CASP6: variants seen among roughly 807,000 people sequenced by gnomAD.
CASP6 encodes caspase-6.
Under a neutral mutation model 31.8 loss-of-function variants are expected in CASP6, and 20 were observed. That is an observed-to-expected ratio of 0.63 (90% confidence interval 0.44 to 0.91). The LOEUF (loss-of-function observed/expected upper bound fraction) is 0.91. CASP6 is among the 40% of genes least tolerant of loss of function. CASP6 has a pLI of 0.00. For missense variants in CASP6, 328 were observed against 361.1 expected (o/e 0.91, Z 0.74); for synonymous variants, 130 against 127.8 (o/e 1.02, Z -0.12).
chr4:109,684,723 G>T, downstream of CASP6: 1 of 718,086 alleles, frequency 1.4e-6, no homozygotes, highest in Non-Finnish European at 2.4e-6. Context: ...GAGCAAAAAA[G>T]CCTTTTTATT....
chr4:109,703,924 C>T (rs1159619862), upstream of CASP6, among the ~76,000 whole-genome samples: 5 of 152,142 alleles, frequency 3.3e-5, no homozygotes, highest in Admixed American at 3.3e-4. Context: ...TTGGTACTCT[C>T]GCAATATTTC....
At chr4:109,704,875 T>C (rs1436477699), upstream of CASP6, among the ~76,000 whole-genome samples, 3 of 152,178 alleles carry the variant, frequency 2.0e-5, no homozygotes, top group Admixed American at 6.5e-5. Flanking sequence ...AGGTTAATTT[T>C]GTATTTTTAG....
chr4:109,693,762 A>G (rs1464841780), intron 5 of CASP6, among the ~76,000 whole-genome samples: 3 of 149,342 alleles, frequency 2.0e-5, no homozygotes, highest in African/African-American at 7.4e-5. Flanking sequence ...TTTTTTAGAC[A>G]GAGTCTCGCT....
At chr4:109,696,851 T>A (rs1730259106) in intron 3 of CASP6, among the ~76,000 whole-genome samples, 1 of 150,578 alleles carries the variant, frequency 6.6e-6, no homozygotes, top group Non-Finnish European at 1.5e-5. Flanking sequence ...AGTGGCTTGA[T>A]CTTGGCTCAC....
At chr4:109,672,197 T>C in the CASP6 span, among the ~76,000 whole-genome samples, 1 of 152,314 alleles carries the variant, frequency 6.6e-6, no homozygotes, top group African/African-American at 2.4e-5. Flanking sequence ...AGTTGACTAA[T>C]TGCCCTTTCT....
chr4:109,682,739 A>G, the CASP6 span: 1 of 1,612,226 alleles, frequency 6.2e-7, no homozygotes, highest in Non-Finnish European at 8.5e-7. Context: ...AGCCCCTTGA[A>G]CAGGTTAGGA....
chr4:109,695,771 G>C (rs1297961202), intron 4 of CASP6, among the ~76,000 whole-genome samples: 1 of 150,776 alleles, frequency 6.6e-6, no homozygotes, highest in East Asian at 1.9e-4. Flanking sequence ...ATAGCACTTA[G>C]AGCTTCCAAA....
At chr4:109,685,387 T>C (rs1729817310), downstream of CASP6, 1 of 1,044,484 alleles carries the variant, frequency 9.6e-7, no homozygotes, top group African/African-American at 1.6e-5. Flanking sequence ...AAATACATCT[T>C]ATAGCTGGTT....
At chr4:109,684,677 A>C (rs1035368886), downstream of CASP6, 1 of 1,041,188 alleles carries the variant, frequency 9.6e-7, no homozygotes, top group Non-Finnish European at 1.5e-6. Context: ...ATGGTAAGTT[A>C]GAACATCTTT....
At chr4:109,665,794 G>A in the CASP6 span, among the ~76,000 whole-genome samples, 6 of 151,962 alleles carry the variant, frequency 3.9e-5, no homozygotes, top group East Asian at 1.9e-4. Flanking sequence ...TTTCAGATTC[G>A]CTTCTTTCTT....
At chr4:109,709,517 G>A in the CASP6 span, among the ~76,000 whole-genome samples, 737 of 152,148 alleles carry the variant, frequency 4.8e-3, 7 homozygotes, top group African/African-American at 0.016. Flanking sequence ...TATCTCAATC[G>A]TGTCTTCATT....
At chr4:109,685,184 C>A, downstream of CASP6, 3 of 711,562 alleles carry the variant, frequency 4.2e-6, no homozygotes, top group Non-Finnish European at 7.4e-6. Context: ...AGTCAAGTAT[C>A]TTTCTTGCAG....
the CASP6 span, among the ~76,000 whole-genome samples, chr4:109,665,912 A>G: frequency 2.6e-5 from 4 of 151,864 alleles, no homozygotes; most frequent in East Asian, 7.7e-4. Flanking sequence ...GGAAAATACT[A>G]AACAGTGAGA....
chr4:109,665,182 T>C, the CASP6 span, among the ~76,000 whole-genome samples: 14 of 152,236 alleles, frequency 9.2e-5, 1 homozygote, highest in African/African-American at 3.4e-4. Flanking sequence ...GTGACAAATG[T>C]AGAACTACAT....
the CASP6 span, among the ~76,000 whole-genome samples, chr4:109,675,358 C>T: frequency 6.6e-6 from 1 of 152,208 alleles, no homozygotes; most frequent in Non-Finnish European, 1.5e-5. Context: ...TAACCATGGC[C>T]TATAAAAACT....
upstream of CASP6, among the ~76,000 whole-genome samples, chr4:109,705,994 AAAAAAAAATATATATAT>A (rs1329982457): frequency 0.017 from 1,207 of 70,552 alleles, 24 homozygotes; most frequent in East Asian, 0.054. Context: ...AAAAAAAAAA[AAAAAAAAATATATATAT>A]ATATATATAT....
At chr4:109,706,300 A>C (rs1422106930), upstream of CASP6, among the ~76,000 whole-genome samples, 6 of 151,102 alleles carry the variant, frequency 4.0e-5, no homozygotes, top group Non-Finnish European at 8.8e-5. Flanking sequence ...GACTTCAGTG[A>C]GGGAAGTCAC....
At chr4:109,695,391 G>C (rs78564949) in intron 4 of CASP6, among the ~76,000 whole-genome samples, 3 of 152,092 alleles carry the variant, frequency 2.0e-5, no homozygotes, top group Non-Finnish European at 4.4e-5. Context: ...AGAGACCTTA[G>C]AGCAGAGTGG....
At chr4:109,682,234 G>A in the CASP6 span, among the ~76,000 whole-genome samples, 42 of 152,284 alleles carry the variant, frequency 2.8e-4, no homozygotes, top group Non-Finnish European at 5.7e-4. Context: ...GGGCAAAAAG[G>A]GAGAGGCCAG....
Sources: gnomAD v4.1 joint callset for allele counts (sites outside exome capture counted in the v4.1 genomes callset) on GRCh38, gnomAD v4.1.1 for gene constraint, MANE v1.5 for transcripts, NCBI Gene and HGNC (gene_info 2026-07-23, HGNC 2026-07-21) for gene names.